Variants in IGFBPL1 observed in about 807,000 individuals in gnomAD.
IGFBPL1 encodes insulin like growth factor binding protein like 1.
A neutral mutation model predicts 23.9 loss-of-function variants in IGFBPL1; 20 were observed. That is an observed-to-expected ratio of 0.84 (90% CI 0.59 to 1.22). The LOEUF (loss-of-function observed/expected upper bound fraction) is 1.22. IGFBPL1 is among the 50% of genes most tolerant of loss of function. The pLI is 0.00. For synonymous variants in IGFBPL1, 184 were observed against 171.8 expected (o/e 1.07, Z -0.56); for missense variants, 436 against 379.3 (o/e 1.15, Z -1.24).
chr9:38,411,328 T>A, intron 4 of IGFBPL1, 63 bp downstream of exon 4: 1 of 1,427,050 alleles, frequency 7.0e-7, no homozygotes, highest in Non-Finnish European at 9.6e-7. Flanking sequence ...ACAGGTCTTA[T>A]AAGCCACCTC....
chr9:38,414,451 A>C (rs1185155534), intron 1 of IGFBPL1, among the ~76,000 whole-genome samples: 2 of 152,138 alleles, frequency 1.3e-5, no homozygotes, highest in African/African-American at 4.8e-5. Flanking sequence ...CAACTTCCCA[A>C]ATTCCCCCAG....
intron 4 of IGFBPL1, among the ~76,000 whole-genome samples, chr9:38,410,643 G>T: frequency 6.6e-6 from 1 of 152,222 alleles, no homozygotes. Context: ...GGGGACACAT[G>T]GGGCAGGGCC....
chr9:38,415,100 C>T (rs1821581548), intron 1 of IGFBPL1, among the ~76,000 whole-genome samples: 1 of 152,162 alleles, frequency 6.6e-6, no homozygotes, highest in Non-Finnish European at 1.5e-5. Context: ...ATGCTCCCAC[C>T]CAGCTGTCAT....
intron 4 of IGFBPL1, among the ~76,000 whole-genome samples, chr9:38,411,088 T>C (rs1045792714): frequency 9.2e-5 from 14 of 151,918 alleles, no homozygotes; most frequent in Admixed American, 6.5e-4. Flanking sequence ...CTCAGTGCTC[T>C]TTCTAGAAGA....
chr9:38,412,520 C>T (rs75940970), intron 3 of IGFBPL1, among the ~76,000 whole-genome samples: 7 of 152,314 alleles, frequency 4.6e-5, no homozygotes, highest in African/African-American at 1.2e-4. Flanking sequence ...GAGGAGGACT[C>T]GAATGTGCCA....
Position 38,411,428 on chromosome 9 carries a change from T to A in IGFBPL1, c.809A>T (p.His270Leu). The change falls in exon 4 of 5, where the codon CAC becomes CTC. Residue 270 changes from histidine to leucine, a missense_variant. His to Leu is a moderately conservative substitution (Grantham distance 99, BLOSUM62 -3). Transcript: ENST00000377694. Reference sequence around the variant, plus strand: ...CATGCGGTCATCGGGAGCTGGGAAGTGGAAGCTCCTGTATTTACTCAGATC... The same window carrying A: ...CATGCGGTCATCGGGAGCTGGGAAGAGGAAGCTCCTGTATTTACTCAGATC... ...VLDLSKYRSF[H>L]FPAPDDRM 1 of 1,613,824 alleles carries A rather than the reference T, an allele frequency of 6.2e-7. No homozygotes were observed. Among genetic ancestry groups the A allele is most frequent in the Non-Finnish European group, 8.5e-7 (1 of 1,179,916 alleles).
intron 4 of IGFBPL1, among the ~76,000 whole-genome samples, chr9:38,409,711 A>G (rs867869858): frequency 1.3e-5 from 2 of 152,362 alleles, no homozygotes; most frequent in Middle Eastern, 3.4e-3. Context: ...AACAAGTCAC[A>G]TATCATCAGG....
At position 38,424,140 on chromosome 9, in the gene IGFBPL1, G is replaced by A. The variant is rs1410004430; in HGVS notation, c.285C>T (p.Ala95=). 8.1e-7 allele frequency: 1 copy of A among 1,238,362 alleles called. No individual in the cohort carries two copies. The allele number at this position is 1,238,362 out of a possible 1,614,324, so 76.7% of individuals were successfully genotyped here. Reference sequence around the variant, plus strand: ...CGGTGCCCTCGGGCGCTGCCCCAGCGGCCTGGCTCGCGCATACCAGGCCGG... The same window carrying A: ...CGGTGCCCTCGGGCGCTGCCCCAGCAGCCTGGCTCGCGCATACCAGGCCGG... ...CGPGLVCASQ[A]AGAAPEGTGL... is the part of the protein sequence containing the mutation. Residue 95 remains alanine (A), a synonymous_variant, in exon 1 of 5, where the codon GCC becomes GCT. Coordinates refer to ENST00000377694, the MANE Select transcript of IGFBPL1 (RefSeq NM_001007563.3).
chr9:38,423,800 C>T (rs892922059), intron 1 of IGFBPL1, among the ~76,000 whole-genome samples, 165 bp downstream of exon 1: 2 of 152,166 alleles, frequency 1.3e-5, no homozygotes, highest in Non-Finnish European at 2.9e-5. Flanking sequence ...GGATTCTCGC[C>T]CCAGTCTCTC....
intron 1 of IGFBPL1, among the ~76,000 whole-genome samples, chr9:38,416,604 C>T (rs781743802): frequency 3.9e-5 from 6 of 151,996 alleles, no homozygotes; most frequent in Non-Finnish European, 7.4e-5. Context: ...ACCACTATAG[C>T]CAAGATACAG....
chr9:38,414,350 G>C (rs1286559111), intron 1 of IGFBPL1, 147 bp from the exon 2 acceptor site: 13 of 574,096 alleles, frequency 2.3e-5, no homozygotes, highest in Non-Finnish European at 4.0e-5. Flanking sequence ...TCCTAAAAGA[G>C]AGATTTCCTC....
rs750374230 is a variant in IGFBPL1 at position 38,413,346 on chromosome 9, T to G, written c.578A>C (p.Lys193Thr). The G allele has an allele frequency of 4.0e-5, 65 of 1,609,136 alleles. No individual in the cohort carries two copies. The Admixed American group carries it at 9.8e-4, about 24-fold the overall frequency. ...TPVITWRKVTKSPEGTQALEE... is the reference protein window; with the variant it reads ...TPVITWRKVTTSPEGTQALEE... The stretch of plus-strand genomic sequence containing the variant: ...CAGTGCTTGGGTGCCCTCAGGGGAC[T>G]TCGTGACCTACAGGGGACAGGAATG... Residue 193 changes from lysine (K) to threonine (T), a missense_variant, in exon 3 of 5, where the codon AAG (lysine) becomes ACG (threonine). Transcript: ENST00000377694.
At chr9:38,423,171 CA>C (rs1364195357) in intron 1 of IGFBPL1, among the ~76,000 whole-genome samples, 2 of 152,122 alleles carry the variant, frequency 1.3e-5, no homozygotes, top group Non-Finnish European at 2.9e-5. Context: ...GTTTGGTTTT[CA>C]AAAGGTACAT....
At chr9:38,416,423 CA>C (rs1426545968) in intron 1 of IGFBPL1, among the ~76,000 whole-genome samples, 1 of 152,112 alleles carries the variant, frequency 6.6e-6, no homozygotes, top group Non-Finnish European at 1.5e-5. Flanking sequence ...GCAAAAAATA[CA>C]AATTCCTTTA....
At position 38,408,413 on chromosome 9, in the gene IGFBPL1, G is replaced by A. The variant is rs978665435; in HGVS notation, c.*814C>T. On this transcript the variant is annotated 3_prime_UTR_variant, in exon 5 of 5. Coordinates refer to ENST00000377694, the MANE Select transcript of IGFBPL1 (RefSeq NM_001007563.3). ...ACTGCACTCCAGCCTGGGTGATAGAGCGAGACCCTGTCTCAAAATAAAATT... is the reference window on the plus strand; with the variant it reads ...ACTGCACTCCAGCCTGGGTGATAGAACGAGACCCTGTCTCAAAATAAAATT... Among the ~76,000 whole-genome samples, 1 of 152,118 alleles carries A rather than the reference G, an allele frequency of 6.6e-6. No individual in the cohort carries two copies. Among genetic ancestry groups the A allele is most frequent in the African/African-American group, 2.4e-5 (1 of 41,402 alleles).
rs758211459 is a variant in IGFBPL1, at chr9:38,413,263, C to A, written c.661G>T (p.Asp221Tyr). Residue 221 changes from aspartate (D) to tyrosine (Y), a missense_variant, in exon 3 of 5, where the codon GAC becomes TAC. Asp to Tyr is a radical substitution (Grantham distance 160). Transcript: ENST00000377694. Reference sequence around the variant, plus strand: ...AAAATCCAGGCCGTGGCCTCATGGTCAGAAGGGCCCCCTCGCACTTGGACA... The same window carrying A: ...AAAATCCAGGCCGTGGCCTCATGGTAAGAAGGGCCCCCTCGCACTTGGACA... Reference protein sequence around the residue: ...IAVQVRGGPSDHEATAWILIN... With the variant: ...IAVQVRGGPSYHEATAWILIN... 2 of 1,613,648 alleles carry A rather than the reference C, an allele frequency of 1.2e-6. No homozygotes were observed. The highest frequency in any genetic ancestry group is 2.2e-5 in the South Asian group (2 of 90,974).
chr9:38,411,332 C>T, intron 4 of IGFBPL1, 59 bp downstream of exon 4: 1 of 1,437,356 alleles, frequency 7.0e-7, no homozygotes, highest in Non-Finnish European at 9.5e-7. Context: ...GTCTTATAAG[C>T]CACCTCAAAT....
intron 1 of IGFBPL1, among the ~76,000 whole-genome samples, chr9:38,414,453 T>C (rs995117860): frequency 6.6e-6 from 1 of 152,154 alleles, no homozygotes; most frequent in Non-Finnish European, 1.5e-5. Context: ...ACTTCCCAAA[T>C]TCCCCCAGCA....
rs141451278 is a variant in IGFBPL1, at chr9:38,411,414, C to T, written c.823G>A (p.Asp275Asn). 2,775 of 1,610,510 alleles carry T rather than the reference C, an allele frequency of 1.7e-3. 9 individuals carry two copies. Among genetic ancestry groups the T allele is most frequent in the Middle Eastern group, 5.4e-3 (33 of 6,058 alleles). ...ACATTTCTCCATCACATGCGGTCAT[C>T]GGGAGCTGGGAAGTGGAAGCTCCTG... Reference protein sequence around the residue: ...KYRSFHFPAPDDRM With the variant: ...KYRSFHFPAPNDRM The change falls in exon 4 of 5, where the codon GAT (aspartate) becomes AAT (asparagine). Residue 275 changes from aspartate (D) to asparagine (N), a missense_variant. Coordinates refer to ENST00000377694, the MANE Select transcript of IGFBPL1 (RefSeq NM_001007563.3).
Sources: gnomAD v4.1 joint callset for allele counts (sites outside exome capture counted in the v4.1 genomes callset) on GRCh38, gnomAD v4.1.1 for gene constraint, MANE v1.5 for transcripts, NCBI Gene and HGNC (gene_info 2026-07-23, HGNC 2026-07-21) for gene names.